Variants in MGAT4B observed in about 807,000 individuals in gnomAD.
MGAT4B encodes N-acetylglucosaminyltransferase IVb.
Under a neutral mutation model 73.9 loss-of-function variants are expected in MGAT4B, and 38 were observed. The observed-to-expected ratio is 0.51, with a 90% CI of 0.40 to 0.67. MGAT4B has a LOEUF of 0.67. Among genes scored for constraint, MGAT4B ranks in the 30% least tolerant of loss-of-function variants. The pLI, the probability that MGAT4B is intolerant of heterozygous loss-of-function variation, is 0.00. For synonymous variants in MGAT4B, 373 were observed against 313.5 expected, an observed-to-expected ratio of 1.19 and a Z score of -2.01; for missense variants, 686 against 735.2, an observed-to-expected ratio of 0.93 and a Z score of 0.77.
chr5:179,806,606 C>T lies in MGAT4B; in HGVS notation c.-23G>A. ...CATCTCCTCGGGTGCGCGGCGGGCG[C>T]CCGCGGGGCCGAGGCTGCATGGCCC... On this transcript the variant is annotated 5_prime_UTR_variant, in exon 1 of 15. Coordinates refer to ENST00000292591, the MANE Select transcript of MGAT4B (RefSeq NM_014275.5). This position sits in a 1 kb window ranked among gnomAD's most constrained non-coding sequence, Gnocchi z 4.6. The T allele has an allele frequency of 1.6e-6, 2 of 1,212,778 alleles. No individual in the cohort carries two copies. The highest frequency in any genetic ancestry group is 6.0e-5 in the East Asian group (1 of 16,552). The allele number at this position is 1,212,778 out of a possible 1,614,324, so 75.1% of individuals were successfully genotyped here.
Position 179,798,327 on chromosome 5 carries a change from C to CT in MGAT4B, c.1510+19dup. On this transcript the variant is annotated intron_variant, in intron 13 of 14. Coordinates refer to ENST00000292591, the MANE Select transcript of MGAT4B (RefSeq NM_014275.5). ...GTGTCCCTGAACCCCAGCCCACGCT[C>CT]TCCCCCAAACCCTACCCACCGATCT... is the stretch of plus-strand genomic sequence containing the variant. The CT allele has an allele frequency of 6.2e-7, 1 of 1,613,040 alleles. No individual in the cohort carries two copies. Among genetic ancestry groups the CT allele is most frequent in the Non-Finnish European group, 8.5e-7 (1 of 1,179,960 alleles).
chr5:179,801,615 G>C lies in MGAT4B; in HGVS notation c.363C>G (p.His121Gln). The C allele has an allele frequency of 6.2e-7, 1 of 1,606,540 alleles. No homozygotes were observed. The highest frequency in any genetic ancestry group is 8.5e-7 in the Non-Finnish European group (1 of 1,177,938). Residue 121 changes from histidine (H) to glutamine (Q), a missense_variant, in exon 3 of 15, where the codon CAC becomes CAG. By Grantham distance (24) the His-to-Gln change is conservative (BLOSUM62 0). Transcript: ENST00000292591. This position sits in a 1 kb window ranked among gnomAD's most constrained non-coding sequence, Gnocchi z 4.8. ...HLPTVFHHLP[H>Q]LLAKESSLQP... ...GCAGACTGCTCTCCTTGGCCAGCAG[G>C]TGTGGCAGGTGATGGAAGACGGTGG...
At position 179,799,137 on chromosome 5, in the gene MGAT4B, G is replaced by A. The variant is rs745626425; in HGVS notation, c.1150-16C>T. On this transcript the variant is annotated splice_polypyrimidine_tract_variant and intron_variant, in intron 10 of 14. Transcript: ENST00000292591. ...AGTCTTTGTCCTGCAGCGGAGGAGG[G>A]ACAGCAGTGATGGCGTGGGCCCCGA... The A allele has an allele frequency of 5.0e-6, 8 of 1,613,824 alleles. No individual in the cohort carries two copies. The Admixed American group carries it at 5.0e-5, about 10-fold the overall frequency.
chr5:179,799,822 TG>T, intron 8 of MGAT4B, 131 bp downstream of exon 8: 1 of 1,225,528 alleles, frequency 8.2e-7, no homozygotes, highest in Non-Finnish European at 1.2e-6. Flanking sequence ...ACAGGCCAGG[TG>T]GGGCTGTAGC....
rs150645557 is a variant in MGAT4B at position 179,798,141 on chromosome 5, TG to T, written c.1623+23del. The T allele has an allele frequency of 2.1e-4, 330 of 1,590,670 alleles. 2 individuals are homozygous for T. In the East Asian group the frequency reaches 7.3e-3, roughly 35 times the overall value. On this transcript the variant is annotated intron_variant, in intron 14 of 14. Transcript: ENST00000292591. ...GGTCTCCCTGGCTGCTCCCCGTGCCTGGCCTGGCCCTGCCCAGCCTCACCTC... is the reference window on the plus strand; with the variant it reads ...GGTCTCCCTGGCTGCTCCCCGTGCCTGCCTGGCCCTGCCCAGCCTCACCTC...
chr5:179,799,876 G>A, intron 8 of MGAT4B, 78 bp downstream of exon 8: 1 of 1,409,436 alleles, frequency 7.1e-7, no homozygotes. Context: ...GCTCACAGTG[G>A]ACACAGTGGG....
chr5:179,802,389 T>G (rs1435257235), intron 1 of MGAT4B: 5 of 1,241,136 alleles, frequency 4.0e-6, no homozygotes, highest in Non-Finnish European at 5.1e-6. Flanking sequence ...AAGGTCCTGG[T>G]GCTAGCTCTT....
Position 179,797,819 on chromosome 5 carries a change from A to G in MGAT4B, c.*226T>C. The G allele has an allele frequency of 1.8e-6, 1 of 556,188 alleles. No homozygotes were observed. The highest frequency in any genetic ancestry group is 3.1e-6 in the Non-Finnish European group (1 of 324,594). The allele number at this position is 556,188 out of a possible 1,614,324, so 34.5% of individuals were successfully genotyped here. On this transcript the variant is annotated 3_prime_UTR_variant, in exon 15 of 15. Coordinates refer to ENST00000292591, the MANE Select transcript of MGAT4B (RefSeq NM_014275.5). ...CCGGGTGCGAACGGTTCCGGGCCTC[A>G]GGCACAGTGTGGGGGCCGCCTGCCT...
At chr5:179,799,700 C>T (rs1756822136) in intron 8 of MGAT4B, 64 bp from the exon 9 acceptor site, 1 of 1,605,358 alleles carries the variant, frequency 6.2e-7, no homozygotes, top group Non-Finnish European at 8.5e-7. Flanking sequence ...CTGCAGCGGC[C>T]CCCGAGTCCC....
rs1284937605 is a variant in MGAT4B at position 179,801,425 on chromosome 5, T to G, written c.467A>C (p.His156Pro). ...MGIPSVRREV[H>P]SYLTDTLHSL... ...GTGCAGAGTGTCAGTCAGGTACGAGTGCACCTCGCGCCGCACGCTCGGGAT... is the reference window on the plus strand; with the variant it reads ...GTGCAGAGTGTCAGTCAGGTACGAGGGCACCTCGCGCCGCACGCTCGGGAT... Residue 156 changes from histidine to proline, a missense_variant, in exon 4 of 15, where the codon CAC (histidine) becomes CCC (proline). Coordinates refer to ENST00000292591, the MANE Select transcript of MGAT4B (RefSeq NM_014275.5). The surrounding 1 kb of genome is among the most constrained non-coding windows in gnomAD (Gnocchi z 4.8). The G allele has an allele frequency of 6.2e-7, 1 of 1,611,656 alleles. No homozygotes were observed. Among genetic ancestry groups the G allele is most frequent in the Non-Finnish European group, 8.5e-7 (1 of 1,178,924 alleles).
chr5:179,798,357 G>A lies in MGAT4B; in HGVS notation c.1500C>T (p.Tyr500=). ...CCAAACCCTACCCACCGATCTGGAGGTAGCCGTCGGGGCTCCGAGGGTACC... is the reference window on the plus strand; with the variant it reads ...CCAAACCCTACCCACCGATCTGGAGATAGCCGTCGGGGCTCCGAGGGTACC... ...TLRYPRSPDG[Y]LQIGSFYKGV... is the part of the protein sequence containing the mutation. The change falls in exon 13 of 15, where the codon TAC becomes TAT. Residue 500 remains tyrosine, a synonymous_variant. Coordinates refer to ENST00000292591, the MANE Select transcript of MGAT4B (RefSeq NM_014275.5). 6.2e-7 allele frequency: 1 copy of A among 1,613,076 alleles called. No individual in the cohort carries two copies. Among genetic ancestry groups the A allele is most frequent in the Non-Finnish European group, 8.5e-7 (1 of 1,179,996 alleles).
At chr5:179,798,623 G>T in intron 11 of MGAT4B, 32 bp from the exon 12 acceptor site, 2 of 1,610,064 alleles carry the variant, frequency 1.2e-6, no homozygotes, top group Non-Finnish European at 1.7e-6. Context: ...AGCTGCTGCA[G>T]GGGCAGCGTT....
Position 179,806,434 on chromosome 5 carries a change from C to G in MGAT4B, c.97+53G>C, listed in dbSNP as rs866374520. The G allele has an allele frequency of 3.0e-5, 33 of 1,118,624 alleles. No homozygotes were observed. The highest frequency in any genetic ancestry group is 3.7e-5 in the Non-Finnish European group (33 of 896,954). The allele number at this position is 1,118,624 out of a possible 1,614,324, so 69.3% of individuals were successfully genotyped here. ...CCGCGGCCACCGCCGGGCCCGCTCC[C>G]GCCGCCGACGCCCAGGTGCGCCAGG... On this transcript the variant is annotated intron_variant, in intron 1 of 14. Coordinates refer to ENST00000292591, the MANE Select transcript of MGAT4B (RefSeq NM_014275.5). This position sits in a 1 kb window ranked among gnomAD's most constrained non-coding sequence, Gnocchi z 4.6.
chr5:179,800,154 G>A (rs72807339), intron 7 of MGAT4B, 30 bp downstream of exon 7: 436,373 of 1,612,818 alleles, frequency 0.27, 62,939 homozygotes, highest in Non-Finnish European at 0.3. Flanking sequence ...GCGCAGGGCA[G>A]GGCAGGGCAA....
At chr5:179,799,425 G>A (rs1045598911) in intron 9 of MGAT4B, 81 bp downstream of exon 9, 3 of 1,608,466 alleles carry the variant, frequency 1.9e-6, no homozygotes, top group Non-Finnish European at 2.5e-6. Flanking sequence ...GTGAGCAGAT[G>A]CAAGGACAGG....
In MGAT4B at chr5:179,801,685, C is replaced by T. The variant is rs553039651; in HGVS notation, c.293G>A (p.Arg98Gln). The change falls in exon 3 of 15, where the codon CGA (arginine) becomes CAA (glutamine). Residue 98 changes from arginine to glutamine, a missense_variant. Physicochemically the swap from Arg to Gln is conservative, Grantham distance 43. This residue lies in a region of MGAT4B where 237 missense variants were observed against 198.5 expected (regional missense o/e 1.19). Transcript: ENST00000292591. The surrounding 1 kb of genome is among the most constrained non-coding windows in gnomAD (Gnocchi z 4.8). ...RTWGRLTEDP[R>Q]LKPWNGSHRH... ...GTGTGAGCCGTTCCACGGCTTCAAT[C>T]GGGGGTCCTCTGGGTGGGTCGGGAA... The T allele has an allele frequency of 1.3e-5, 21 of 1,608,618 alleles. No individual in the cohort carries two copies. Among genetic ancestry groups the T allele is most frequent in the Non-Finnish European group, 1.6e-5 (19 of 1,178,760 alleles).
intron 1 of MGAT4B, among the ~76,000 whole-genome samples, chr5:179,804,683 T>G (rs1257683124): frequency 6.6e-6 from 1 of 152,180 alleles, no homozygotes; most frequent in Non-Finnish European, 1.5e-5. Flanking sequence ...TTCCACTTCC[T>G]GGGTCCTTCC....
chr5:179,802,491 G>A, intron 1 of MGAT4B: 3 of 1,026,240 alleles, frequency 2.9e-6, no homozygotes, highest in Non-Finnish European at 3.5e-6. Context: ...AGTTCCAGGA[G>A]CCCACCTCAC....
intron 1 of MGAT4B, chr5:179,803,227 C>T (rs567917110): frequency 1.0e-6 from 1 of 985,390 alleles, no homozygotes; most frequent in African/African-American, 1.7e-5. Context: ...AGCCAGCCCC[C>T]ACCCTCCACA....
Sources: gnomAD v4.1 joint callset for allele counts (sites outside exome capture counted in the v4.1 genomes callset) on GRCh38, gnomAD v4.1.1 for gene constraint, gnomAD v4.1.1 regional missense constraint, Gnocchi (gnomAD v3.1) non-coding constraint, MANE v1.5 for transcripts, NCBI Gene and HGNC (gene_info 2026-07-23, HGNC 2026-07-21) for gene names.